The following DENND5B variants were observed in gnomAD, a reference collection of about 807,000 sequenced individuals.
The protein encoded by DENND5B is DENN domain containing 5B.
In DENND5B, 34 loss-of-function variants were observed where a neutral mutation model predicts 140.6. The ratio of observed to expected loss-of-function variants is 0.24; its 90% CI spans 0.18 to 0.32. The LOEUF (loss-of-function observed/expected upper bound fraction) is 0.32, where lower values mean the gene tolerates loss of function less well. DENND5B is among the 10% of genes least tolerant of loss of function. The pLI, the probability that DENND5B is intolerant of heterozygous loss-of-function variation, is 1.00. For synonymous variants in DENND5B, 551 were observed against 562.1 expected (o/e 0.98, Z 0.28); for missense variants, 1,142 against 1,560.2 (o/e 0.73, Z 4.52).
chr12:31,437,933 G>T (rs1350892058), intron 7 of DENND5B, among the ~76,000 whole-genome samples: 3 of 152,202 alleles, frequency 2.0e-5, no homozygotes, highest in Non-Finnish European at 4.4e-5. Flanking sequence ...ATTCCATGGT[G>T]ATGCGATTCT....
At chr12:31,505,870 T>C (rs770936739) in intron 1 of DENND5B, among the ~76,000 whole-genome samples, 6 of 152,160 alleles carry the variant, frequency 3.9e-5, no homozygotes, top group South Asian at 4.1e-4. Context: ...CTCACTCTGT[T>C]GTTGTCCAGG....
At chr12:31,578,622 T>C (rs900017815) in intron 1 of DENND5B, among the ~76,000 whole-genome samples, 46 of 152,324 alleles carry the variant, frequency 3.0e-4, no homozygotes, top group African/African-American at 1.1e-3. Flanking sequence ...GGGAAGACCT[T>C]GAATCCATTC....
chr12:31,487,494 T>C (rs896833683), intron 2 of DENND5B, among the ~76,000 whole-genome samples: 2 of 151,976 alleles, frequency 1.3e-5, no homozygotes, highest in Admixed American at 6.6e-5. Context: ...GCTCAGGAGT[T>C]CAAGACCACC....
At chr12:31,430,968 G>A (rs899720043) in intron 8 of DENND5B, among the ~76,000 whole-genome samples, 1 of 152,158 alleles carries the variant, frequency 6.6e-6, no homozygotes, top group Non-Finnish European at 1.5e-5. Flanking sequence ...CAAAAACAGA[G>A]CAACTGCCTT....
intron 1 of DENND5B, among the ~76,000 whole-genome samples, chr12:31,497,129 G>A (rs1330126054): frequency 6.6e-6 from 1 of 150,632 alleles, no homozygotes; most frequent in Non-Finnish European, 1.5e-5. Flanking sequence ...ACCTTGGAAT[G>A]CAAAACAGAT....
Position 31,401,417 on chromosome 12 carries a change from C to T in DENND5B, c.2949+1081G>A, listed in dbSNP as rs185772565. ...TAAGGCCAAACTGGGCTCCTGGGGG[C>T]GGGAGGGCATCATGACTCTAAGTGG... On this transcript the variant is annotated intron_variant, in intron 15 of 20. Coordinates refer to ENST00000389082, the MANE Select transcript of DENND5B (RefSeq NM_144973.4). Among the ~76,000 whole-genome samples, 23 of 151,994 alleles carry T rather than the reference C, an allele frequency of 1.5e-4. No homozygotes were observed. The East Asian group carries it at 4.2e-3, about 28-fold the overall frequency.
At chr12:31,434,596 C>T (rs1399380251) in intron 7 of DENND5B, among the ~76,000 whole-genome samples, 1 of 152,178 alleles carries the variant, frequency 6.6e-6, no homozygotes, top group African/African-American at 2.4e-5. Context: ...AGCCTAGCTA[C>T]CTACAGGCTC....
At chr12:31,565,986 A>C (rs1038204464) in intron 1 of DENND5B, among the ~76,000 whole-genome samples, 2 of 151,798 alleles carry the variant, frequency 1.3e-5, no homozygotes, top group African/African-American at 4.8e-5. Flanking sequence ...TAGAAAAAAA[A>C]ATATAAAAAT....
At chr12:31,576,377 C>T (rs1394450795) in intron 1 of DENND5B, among the ~76,000 whole-genome samples, 3 of 149,438 alleles carry the variant, frequency 2.0e-5, no homozygotes, top group Non-Finnish European at 4.5e-5. Context: ...CGCTTGAACC[C>T]GGGAGACAGA....
At chr12:31,484,101 G>A (rs946037875) in intron 2 of DENND5B, among the ~76,000 whole-genome samples, 8 of 151,988 alleles carry the variant, frequency 5.3e-5, no homozygotes, top group Non-Finnish European at 8.8e-5. Context: ...TGATCTGCCC[G>A]CCTTGGCCTC....
At chr12:31,405,221 GT>G (rs56239506) in intron 14 of DENND5B, among the ~76,000 whole-genome samples, 46 of 142,090 alleles carry the variant, frequency 3.2e-4, no homozygotes, top group African/African-American at 4.6e-4. Flanking sequence ...AAATTTTAAA[GT>G]TTTTTTTTTT....
intron 1 of DENND5B, among the ~76,000 whole-genome samples, chr12:31,587,084 T>C (rs1381612018): frequency 1.3e-5 from 2 of 152,296 alleles, no homozygotes; most frequent in South Asian, 2.1e-4. Context: ...TCCCCACCTA[T>C]GCATGCTAGA....
intron 6 of DENND5B, among the ~76,000 whole-genome samples, chr12:31,445,242 G>A (rs1944226180): frequency 6.6e-6 from 1 of 152,178 alleles, no homozygotes; most frequent in Non-Finnish European, 1.5e-5. Context: ...GTTCTTTCTT[G>A]AATGAACAGC....
intron 7 of DENND5B, among the ~76,000 whole-genome samples, chr12:31,438,151 T>G (rs1008439568): frequency 3.3e-5 from 5 of 152,088 alleles, no homozygotes; most frequent in African/African-American, 1.2e-4. Context: ...AATTTTTGTA[T>G]TTTAGTAGAG....
intron 3 of DENND5B, among the ~76,000 whole-genome samples, chr12:31,475,805 G>A (rs987524806): frequency 1.3e-5 from 2 of 151,896 alleles, no homozygotes; most frequent in African/African-American, 4.8e-5. Context: ...GACCACAAAC[G>A]GTGAGACATA....
intron 17 of DENND5B, among the ~76,000 whole-genome samples, chr12:31,395,829 GTTCTGTGGCTGCC>G (rs60009825): frequency 0.57 from 85,719 of 149,328 alleles, 25,024 homozygotes; most frequent in East Asian, 0.82. Context: ...CTATATTCAT[GTTCTGTGGCTGCC>G]TTCTGTGGCT....
At chr12:31,409,629 C>T (rs1175013828) in intron 13 of DENND5B, among the ~76,000 whole-genome samples, 3 of 152,020 alleles carry the variant, frequency 2.0e-5, no homozygotes, top group African/African-American at 7.2e-5. Context: ...CAGGCATGTG[C>T]CACCACGCCA....
chr12:31,438,582 T>G (rs1018966265), intron 7 of DENND5B, among the ~76,000 whole-genome samples: 1 of 152,088 alleles, frequency 6.6e-6, no homozygotes, highest in African/African-American at 2.4e-5. Context: ...CGGGGGTGAT[T>G]GAAAATTATG....
At chr12:31,514,378 G>A (rs1016318487) in intron 1 of DENND5B, among the ~76,000 whole-genome samples, 5 of 152,088 alleles carry the variant, frequency 3.3e-5, no homozygotes, top group African/African-American at 9.7e-5. Flanking sequence ...TATCCTCATC[G>A]TTAGGCATAT....
Sources: allele counts gnomAD v4.1 joint callset (sites outside exome capture counted in the v4.1 genomes callset), GRCh38; gene constraint gnomAD v4.1.1; transcripts MANE v1.5; gene names NCBI Gene and HGNC (gene_info 2026-07-23, HGNC 2026-07-21).